TMEM63C: variants seen among roughly 807,000 people sequenced by gnomAD.
TMEM63C encodes the protein osmosensitive cation channel TMEM63C.
TMEM63C carries 32 observed loss-of-function variants against 99.2 expected under a neutral mutation model. The observed-to-expected ratio is 0.32, with a 90% CI of 0.24 to 0.43. The LOEUF is 0.43. Among genes scored for constraint, TMEM63C ranks in the 20% least tolerant of loss-of-function variants. The pLI is 1.00. For synonymous variants in TMEM63C, 376 were observed against 397.9 expected (o/e 0.94, Z 0.66); for missense variants, 826 against 1,053.0 (o/e 0.78, Z 2.98).
chr14:77,198,394 G>A (rs1052942611), intron 1 of TMEM63C, among the ~76,000 whole-genome samples: 4 of 152,234 alleles, frequency 2.6e-5, no homozygotes, highest in Admixed American at 2.0e-4. Flanking sequence ...TTTGAGACCA[G>A]CCTCCTTATC....
intron 1 of TMEM63C, among the ~76,000 whole-genome samples, chr14:77,183,366 C>A (rs914639720): frequency 1.3e-5 from 2 of 152,168 alleles, no homozygotes; most frequent in African/African-American, 2.4e-5. Flanking sequence ...GGGAACAGCA[C>A]CAGCATTTTC....
Position 77,242,973 on chromosome 14 carries a change from CTCT to C in TMEM63C, c.1266_1268del (p.Phe423del), listed in dbSNP as rs1188648548. Reference sequence around the variant, plus strand: ...CGCAATCAACACCTTCCTCTTCTTCCTCTTCTTCTTTCTCACCACGCCTGCCAT... The same window carrying C: ...CGCAATCAACACCTTCCTCTTCTTCCTCTTCTTTCTCACCACGCCTGCCAT... On this transcript the variant is annotated inframe_deletion, in exon 15 of 24. Coordinates refer to ENST00000298351, the MANE Select transcript of TMEM63C (RefSeq NM_020431.4). 5 of 1,614,048 alleles carry C rather than the reference CTCT, an allele frequency of 3.1e-6. No homozygotes were observed. The highest frequency in any genetic ancestry group is 2.2e-5 in the East Asian group (1 of 44,874).
intron 15 of TMEM63C, among the ~76,000 whole-genome samples, chr14:77,243,561 A>G (rs1889217733): frequency 6.6e-6 from 1 of 152,152 alleles, no homozygotes; most frequent in Admixed American, 6.5e-5. Context: ...CCTCATCTCC[A>G]GACACCTGCA....
chr14:77,249,157 C>T lies in TMEM63C; in HGVS notation c.1871-134C>T. On this transcript the variant is annotated intron_variant, in intron 20 of 23. Coordinates refer to ENST00000298351, the MANE Select transcript of TMEM63C (RefSeq NM_020431.4). ...GGCTCCGGAGGTCAGTACCACGGAG[C>T]TCCCCCAACCCATCCTTGGTTGTTG... 1.2e-5 allele frequency: 11 copies of T among 936,524 alleles called. No individual in the cohort carries two copies. In the South Asian group the frequency reaches 1.7e-4, roughly 15 times the overall value. 58.0% of individuals were successfully genotyped at this position (936,524 alleles called of 1,614,324 possible).
At chr14:77,242,650 G>C (rs1889198170) in intron 14 of TMEM63C, among the ~76,000 whole-genome samples, 181 bp downstream of exon 14, 1 of 152,214 alleles carries the variant, frequency 6.6e-6, no homozygotes, top group Non-Finnish European at 1.5e-5. Context: ...AAGTGTGGGT[G>C]GCATCCAACC....
At chr14:77,251,035 C>T (rs1236354905) in intron 21 of TMEM63C, among the ~76,000 whole-genome samples, 1 of 152,132 alleles carries the variant, frequency 6.6e-6, no homozygotes, top group Admixed American at 6.5e-5. Flanking sequence ...TGCAAAACTG[C>T]GATAGTCCAT....
chr14:77,220,851 A>G (rs1424940222), intron 5 of TMEM63C, among the ~76,000 whole-genome samples: 2 of 96,438 alleles, frequency 2.1e-5, no homozygotes, highest in East Asian at 3.6e-4. Context: ...CCACTTCCTC[A>G]CCTCTCACTC....
chr14:77,215,251 C>T (rs886174698), intron 2 of TMEM63C, among the ~76,000 whole-genome samples: 9 of 152,046 alleles, frequency 5.9e-5, no homozygotes, highest in East Asian at 1.9e-4. Context: ...ATCCAACATC[C>T]GCCCACCACC....
chr14:77,217,474 A>C (rs1050015961), intron 2 of TMEM63C, among the ~76,000 whole-genome samples: 6 of 152,274 alleles, frequency 3.9e-5, no homozygotes, highest in Non-Finnish European at 8.8e-5. Context: ...GCATTTGTCT[A>C]GCATAAAGCA....
chr14:77,209,440 C>T (rs1888458658), intron 1 of TMEM63C, among the ~76,000 whole-genome samples: 1 of 152,158 alleles, frequency 6.6e-6, no homozygotes, highest in African/African-American at 2.4e-5. Flanking sequence ...GGTAAAGGGC[C>T]TTCTGTCTCT....
At chr14:77,251,060 T>G (rs1889351339) in intron 21 of TMEM63C, among the ~76,000 whole-genome samples, 1 of 152,166 alleles carries the variant, frequency 6.6e-6, no homozygotes, top group African/African-American at 2.4e-5. Context: ...TAACATTCAG[T>G]CCTGTACCCT....
At chr14:77,229,015 C>A (rs1888885792) in intron 6 of TMEM63C, among the ~76,000 whole-genome samples, 1 of 152,130 alleles carries the variant, frequency 6.6e-6, no homozygotes, top group African/African-American at 2.4e-5. Flanking sequence ...TTACGTAAAA[C>A]CATCGGAAAA....
chr14:77,231,526 C>G (rs1297058601), intron 6 of TMEM63C, 62 bp from the exon 7 acceptor site: 34 of 1,542,110 alleles, frequency 2.2e-5, no homozygotes, highest in Non-Finnish European at 2.2e-5. Context: ...CTCTACCTCC[C>G]CGCAACAAGT....
intron 2 of TMEM63C, among the ~76,000 whole-genome samples, chr14:77,215,461 T>G (rs571541658): frequency 9.9e-5 from 15 of 151,094 alleles, no homozygotes; most frequent in African/African-American, 3.6e-4. Context: ...TTTAGCCAAG[T>G]GTAGTGGTGG....
At chr14:77,215,445 A>G (rs954888175) in intron 2 of TMEM63C, among the ~76,000 whole-genome samples, 7 of 151,868 alleles carry the variant, frequency 4.6e-5, no homozygotes, top group Non-Finnish European at 7.4e-5. Context: ...TACTAAAAAT[A>G]CAAAATTTAG....
chr14:77,242,787 C>T, intron 14 of TMEM63C, 116 bp from the exon 15 acceptor site: 1 of 1,266,792 alleles, frequency 7.9e-7, no homozygotes, highest in Non-Finnish European at 1.1e-6. Flanking sequence ...AGTCTGGGCC[C>T]AGGAGGCTGG....
intron 5 of TMEM63C, among the ~76,000 whole-genome samples, chr14:77,220,867 C>T (rs117549925): frequency 0.3 from 20,806 of 68,784 alleles, 4,717 homozygotes; most frequent in Middle Eastern, 0.53. Context: ...CACTCACGCC[C>T]CGCCTCCCAC....
At chr14:77,207,380 G>T (rs1888419428) in intron 1 of TMEM63C, among the ~76,000 whole-genome samples, 1 of 152,220 alleles carries the variant, frequency 6.6e-6, no homozygotes, top group African/African-American at 2.4e-5. Context: ...TCATTCATAA[G>T]ATGGGATAAA....
chr14:77,251,421 C>T lies in TMEM63C; in HGVS notation c.2039-368C>T, dbSNP rs74621276. Among the ~76,000 whole-genome samples, 13 of 152,282 alleles carry T rather than the reference C, an allele frequency of 8.5e-5. No individual in the cohort carries two copies. The East Asian group carries it at 2.3e-3, about 27-fold the overall frequency. On this transcript the variant is annotated intron_variant, in intron 21 of 23. Transcript: ENST00000298351. Reference sequence around the variant, plus strand: ...ACTGAGCATGCTCACTTCAAAAGGGCTTGCAGGGAAAGGTGTAGGTCAGAG... The same window carrying T: ...ACTGAGCATGCTCACTTCAAAAGGGTTTGCAGGGAAAGGTGTAGGTCAGAG...
Sources: allele counts gnomAD v4.1 joint callset (sites outside exome capture counted in the v4.1 genomes callset), GRCh38; gene constraint gnomAD v4.1.1; transcripts MANE v1.5; gene names NCBI Gene and HGNC (gene_info 2026-07-23, HGNC 2026-07-21).